MAP4K1: variants seen among roughly 807,000 people sequenced by gnomAD.
MAP4K1 encodes mitogen-activated protein kinase kinase kinase kinase 1, also known as MAPK/ERK kinase kinase kinase 1.
Under a neutral mutation model 122.8 loss-of-function variants are expected in MAP4K1, and 35 were observed. The ratio of observed to expected loss-of-function variants is 0.29; its 90% confidence interval spans 0.22 to 0.38. The LOEUF (loss-of-function observed/expected upper bound fraction) is 0.38, where lower values mean the gene tolerates loss of function less well. MAP4K1 is among the 10% of genes least tolerant of loss of function. MAP4K1 has a pLI of 1.00. For missense variants in MAP4K1, 791 were observed against 1,072.6 expected (o/e 0.74, Z 3.67); for synonymous variants, 412 against 421.3 (o/e 0.98, Z 0.27).
intron 30 of MAP4K1, 136 bp from the exon 31 acceptor site, chr19:38,587,953 C>A: frequency 2.9e-6 from 2 of 691,458 alleles, no homozygotes; most frequent in South Asian, 3.2e-5. Flanking sequence ...ACGGTCCCTG[C>A]CCTTAGGAAG....
intron 26 of MAP4K1, 38 bp downstream of exon 26, chr19:38,596,274 G>A (rs1472388710): frequency 8.0e-6 from 12 of 1,507,982 alleles, no homozygotes; most frequent in Non-Finnish European, 1.1e-5. Context: ...CTCCGGATCT[G>A]ATAAGCCCCG....
At chr19:38,608,078 C>A in intron 14 of MAP4K1, 34 bp downstream of exon 14, 2 of 1,562,930 alleles carry the variant, frequency 1.3e-6, no homozygotes, top group Non-Finnish European at 1.7e-6. Context: ...GGGAAGCAGG[C>A]GGTGTGGTGG....
chr19:38,614,324 GTGTT>G (rs761902530), intron 5 of MAP4K1, 32 bp from the exon 6 acceptor site: 2 of 1,614,186 alleles, frequency 1.2e-6, no homozygotes, highest in Non-Finnish European at 1.7e-6. Context: ...GGGACAGTGA[GTGTT>G]TGGGGGCTGG....
rs1468227943 is a variant in MAP4K1 at position 38,607,890 on chromosome 19, A to G, written c.1131T>C (p.Ser377=). The G allele has an allele frequency of 1.9e-6, 3 of 1,612,372 alleles. No homozygotes were observed. Among genetic ancestry groups the G allele is most frequent in the Non-Finnish European group, 2.5e-6 (3 of 1,179,322 alleles). The part of the protein sequence containing the change: ...SSPRKQLSES[S]DDDYDDVDIP... ...TGTCCACGTCGTCATAGTCATCGTC[A>G]GACGACTCTGACAGTTGCTTCCTGA... The change falls in exon 16 of 31, where the codon TCT becomes TCC. Residue 377 remains serine, a synonymous_variant. Transcript: ENST00000396857.
intron 29 of MAP4K1, among the ~76,000 whole-genome samples, chr19:38,594,844 G>A (rs950147785): frequency 2.6e-5 from 4 of 152,046 alleles, no homozygotes; most frequent in Admixed American, 6.6e-5. Context: ...AGGAGGCTGA[G>A]GCAGGAGAAT....
chr19:38,596,129 C>G, intron 26 of MAP4K1, 128 bp from the exon 27 acceptor site: 1 of 1,311,832 alleles, frequency 7.6e-7, no homozygotes, highest in South Asian at 1.2e-5. Context: ...AAACCCCGCC[C>G]ACCATCCCGG....
At chr19:38,602,483 C>CATATACAT (rs549737661) in intron 19 of MAP4K1, among the ~76,000 whole-genome samples, 2 of 149,594 alleles carry the variant, frequency 1.3e-5, no homozygotes, top group Non-Finnish European at 3.0e-5. Flanking sequence ...TATATACACA[C>CATATACAT]ATATACATAT....
intron 19 of MAP4K1, among the ~76,000 whole-genome samples, chr19:38,604,890 G>A (rs566929453): frequency 6.6e-6 from 1 of 151,348 alleles, no homozygotes; most frequent in East Asian, 1.9e-4. Context: ...AGTTCAAGAC[G>A]AGCCTAACCA....
At chr19:38,592,449 C>G (rs1267567654) in intron 30 of MAP4K1, 91 of 152,102 alleles carry the variant, frequency 6.0e-4, no homozygotes, top group African/African-American at 2.2e-3. Context: ...GTGGTACACA[C>G]CTGTAAACCC....
intron 19 of MAP4K1, among the ~76,000 whole-genome samples, chr19:38,603,590 T>C (rs1311614760): frequency 6.6e-6 from 1 of 152,030 alleles, no homozygotes; most frequent in Non-Finnish European, 1.5e-5. Context: ...ATCCCACCAG[T>C]TTGGGAGGCC....
In MAP4K1 at chr19:38,596,409, C is replaced by A; in HGVS notation, c.2019G>T (p.Val673=). 6.3e-7 allele frequency: 1 copy of A among 1,594,742 alleles called. No homozygotes were observed. Among genetic ancestry groups the A allele is most frequent in the Non-Finnish European group, 8.5e-7 (1 of 1,174,676 alleles). ...GCCGCCCGGGGCTCACGCCGATGCACACAGCGGGCAGCTCAGAGCCTGGCC... is the reference window on the plus strand; with the variant it reads ...GCCGCCCGGGGCTCACGCCGATGCAAACAGCGGGCAGCTCAGAGCCTGGCC... The part of the protein sequence containing the change: ...LTGPGSELPA[V]CIGVSPGRPG... Residue 673 remains valine, a synonymous_variant, in exon 26 of 31, where the codon GTG becomes GTT. Transcript: ENST00000396857.
rs1031744033 is a variant in MAP4K1, at chr19:38,608,799, C to CAAAAA, written c.1007-634_1007-630dup. On this transcript the variant is annotated intron_variant, in intron 13 of 30. Transcript: ENST00000396857. The stretch of plus-strand genomic sequence containing the variant: ...TGGGCGACAGAGTGAAACTCCGTCT[C>CAAAAA]AAAAAAAAAAAAAAAAAAAAAAAAA... Among the ~76,000 whole-genome samples the CAAAAA allele has an allele frequency of 1.7e-3, 16 of 9,558 alleles. 1 individual carries two copies. The highest frequency in any genetic ancestry group is 3.2e-3 in the African/African-American group (9 of 2,814). 6.3% of individuals were successfully genotyped at this position (9,558 alleles called of 152,430 possible).
At chr19:38,604,123 T>C (rs1975250266) in intron 19 of MAP4K1, among the ~76,000 whole-genome samples, 1 of 97,680 alleles carries the variant, frequency 1.0e-5, no homozygotes, top group South Asian at 3.8e-4. Flanking sequence ...AGCGAGATAC[T>C]ATCTCAAAAA....
At chr19:38,590,394 A>AT (rs1226154169) in intron 30 of MAP4K1, among the ~76,000 whole-genome samples, 2 of 17,284 alleles carry the variant, frequency 1.2e-4, no homozygotes, top group Non-Finnish European at 2.1e-4. Context: ...AAAAAAAAAA[A>AT]ATATATATAT....
In MAP4K1 at chr19:38,597,390, G is replaced by A; in HGVS notation, c.1779-6C>T. The A allele has an allele frequency of 6.2e-7, 1 of 1,614,032 alleles. No individual in the cohort carries two copies. ...TGGTGGAAACCATGTTCTTCCTGGA[G>A]AATAGGTAGGTGTGAAGGGGGGTAG... On this transcript the variant is annotated splice_region_variant and splice_polypyrimidine_tract_variant and intron_variant, in intron 23 of 30. Coordinates refer to ENST00000396857, the MANE Select transcript of MAP4K1 (RefSeq NM_001042600.3). The surrounding 1 kb of genome is among the most constrained non-coding windows in gnomAD (Gnocchi z 4.6).
intron 11 of MAP4K1, 78 bp from the exon 12 acceptor site, chr19:38,610,103 A>G: frequency 9.8e-7 from 1 of 1,022,556 alleles, no homozygotes; most frequent in African/African-American, 1.6e-5. Context: ...GAGGACTGGT[A>G]CAGGGCCTTG....
At chr19:38,612,393 C>T (rs1431926601) in intron 9 of MAP4K1, among the ~76,000 whole-genome samples, 1 of 151,640 alleles carries the variant, frequency 6.6e-6, no homozygotes, top group African/African-American at 2.4e-5. Flanking sequence ...GCACTCCAGC[C>T]TGGGCAACAG....
At chr19:38,603,440 A>C (rs1839796834) in intron 19 of MAP4K1, among the ~76,000 whole-genome samples, 1 of 151,710 alleles carries the variant, frequency 6.6e-6, no homozygotes. Flanking sequence ...ACACACATAT[A>C]CATGTATATG....
intron 11 of MAP4K1, 51 bp from the exon 12 acceptor site, chr19:38,610,076 G>T: frequency 7.6e-7 from 1 of 1,320,780 alleles, no homozygotes; most frequent in Non-Finnish European, 1.1e-6. Flanking sequence ...TGGACAGAGA[G>T]GGCTGGTGTG....
Sources: gnomAD v4.1 joint callset for allele counts (sites outside exome capture counted in the v4.1 genomes callset) on GRCh38, gnomAD v4.1.1 for gene constraint, Gnocchi (gnomAD v3.1) non-coding constraint, MANE v1.5 for transcripts, NCBI Gene and HGNC (gene_info 2026-07-23, HGNC 2026-07-21) for gene names.